Variants in SYNPO observed in about 807,000 individuals in gnomAD.
SYNPO encodes the protein synaptopodin.
A neutral mutation model predicts 49.5 loss-of-function variants in SYNPO; 19 were observed. The ratio of observed to expected loss-of-function variants is 0.38; its 90% CI spans 0.27 to 0.56. The LOEUF (loss-of-function observed/expected upper bound fraction) is 0.56, where lower values mean the gene tolerates loss of function less well. SYNPO is among the 20% of genes least tolerant of loss of function. SYNPO has a pLI of 0.68. For synonymous variants in SYNPO, 536 were observed against 548.0 expected (o/e 0.98, Z 0.31); for missense variants, 1,131 against 1,248.3 (o/e 0.91, Z 1.42).
chr5:150,650,641 G>A, intron 2 of SYNPO: 1 of 1,440,128 alleles, frequency 6.9e-7, no homozygotes, highest in Non-Finnish European at 9.1e-7. Context: ...TTTGTGAGCT[G>A]TAGGGATGCA....
At position 150,649,628 on chromosome 5, in the gene SYNPO, G is replaced by A; in HGVS notation, c.1353G>A (p.Glu451=). 1.2e-6 allele frequency: 2 copies of A among 1,609,024 alleles called. No individual in the cohort carries two copies. The highest frequency in any genetic ancestry group is 1.7e-6 in the Non-Finnish European group (2 of 1,179,740). The change falls in exon 2 of 3, where the codon GAG becomes GAA. Residue 451 remains glutamate (E), a synonymous_variant. Coordinates refer to ENST00000307662, the MANE Select transcript of SYNPO (RefSeq NM_007286.6). ...CGGCGGCGGAGGAGGTGGTACCAGA[G>A]TGGGCCTCCTGCCTCAAGTCACCCC... ...SPAAAEEVVP[E]WASCLKSPRI...
In SYNPO at chr5:150,624,763, G is replaced by A. The variant is rs978000252; in HGVS notation, c.400+5996G>A. ...GCTAGGCGGTGGCGGTGGCGGCGGC[G>A]AGGAGGGGGCGTCGGGCGCGGAGCC... On this transcript the variant is annotated intron_variant, in intron 2 of 2. Transcript: ENST00000394243. The A allele has an allele frequency of 3.7e-6, 3 of 812,354 alleles. No individual in the cohort carries two copies. In the South Asian group the frequency reaches 1.6e-4, roughly 43 times the overall value. The allele number at this position is 812,354 out of a possible 1,614,324, so 50.3% of individuals were successfully genotyped here.
upstream of SYNPO, among the ~76,000 whole-genome samples, chr5:150,600,278 T>G (rs1756497655): frequency 6.6e-6 from 1 of 152,206 alleles, no homozygotes; most frequent in African/African-American, 2.4e-5. Context: ...CCTGCTGACG[T>G]CACCCCTGGA....
At chr5:150,651,435 G>A (rs1055131138) in intron 2 of SYNPO, 8 of 1,000,338 alleles carry the variant, frequency 8.0e-6, no homozygotes, top group Middle Eastern at 5.1e-4. Flanking sequence ...CTGGTGCTTT[G>A]AAGAAAGGCC....
intron 2 of SYNPO, among the ~76,000 whole-genome samples, chr5:150,620,952 TTTC>T (rs1473880490): frequency 2.8e-5 from 4 of 144,586 alleles, no homozygotes; most frequent in African/African-American, 8.0e-5. Context: ...TTTCTTTTCT[TTTC>T]TTTTTTTTTT....
chr5:150,621,268 C>T (rs1486143901), intron 2 of SYNPO, among the ~76,000 whole-genome samples: 1 of 152,148 alleles, frequency 6.6e-6, no homozygotes, highest in Non-Finnish European at 1.5e-5. Context: ...CCTTTCTTTA[C>T]TGTCCAGCCA....
intron 1 of SYNPO, among the ~76,000 whole-genome samples, chr5:150,602,137 G>T (rs1756560110): frequency 6.6e-6 from 1 of 152,176 alleles, no homozygotes; most frequent in Non-Finnish European, 1.5e-5. Context: ...CACACTTTCA[G>T]GTTCTGTGGC....
upstream of SYNPO, among the ~76,000 whole-genome samples, chr5:150,636,992 A>G (rs1757738578): frequency 6.6e-6 from 1 of 152,194 alleles, no homozygotes; most frequent in Admixed American, 6.5e-5. Flanking sequence ...AGTGCTTTAT[A>G]CTTTAGAAAT....
At chr5:150,643,458 A>C (rs962901703) in intron 1 of SYNPO, among the ~76,000 whole-genome samples, 2 of 152,242 alleles carry the variant, frequency 1.3e-5, no homozygotes, top group African/African-American at 4.8e-5. Context: ...AGAGATGTTT[A>C]TCCTGACCCT....
At position 150,656,396 on chromosome 5, in the gene SYNPO, C is replaced by CT. The variant is rs1217192016; in HGVS notation, c.2029-7dup. ...ATGCCTGCCCCACCCTCTCTGCTCT[C>CT]TCCCCAGGACCGCCGGGAGAGCCTG... On this transcript the variant is annotated splice_polypyrimidine_tract_variant and splice_region_variant and intron_variant, in intron 2 of 2. Transcript: ENST00000307662. 1 of 1,527,132 alleles carries CT rather than the reference C, an allele frequency of 6.5e-7. No individual in the cohort carries two copies. Among genetic ancestry groups the CT allele is most frequent in the South Asian group, 1.2e-5 (1 of 83,000 alleles). 94.6% of individuals were successfully genotyped at this position (1,527,132 alleles called of 1,614,324 possible).
intron 1 of SYNPO, among the ~76,000 whole-genome samples, chr5:150,644,924 G>A (rs1239517162): frequency 6.6e-6 from 1 of 152,214 alleles, no homozygotes; most frequent in Non-Finnish European, 1.5e-5. Flanking sequence ...GGGATAGGCT[G>A]TGTGCTTTCA....
upstream of SYNPO, chr5:150,640,180 C>G (rs1757849431): frequency 1.0e-6 from 1 of 985,110 alleles, no homozygotes; most frequent in Non-Finnish European, 1.2e-6. Context: ...AAATAATACA[C>G]AAGGTGGTGG....
In SYNPO at chr5:150,657,411, CTCTT is replaced by C. The variant is rs1290196906; in HGVS notation, c.*328_*331del. 1 of 310,262 alleles carries C rather than the reference CTCTT, an allele frequency of 3.2e-6. No individual in the cohort carries two copies. Among genetic ancestry groups the C allele is most frequent in the Admixed American group, 5.0e-5 (1 of 20,008 alleles). 19.2% of individuals were successfully genotyped at this position (310,262 alleles called of 1,614,324 possible). A position where few individuals can be genotyped will look rare whatever the true frequency, so the allele number is the denominator to read the frequency against. On this transcript the variant is annotated 3_prime_UTR_variant, in exon 3 of 3. Transcript: ENST00000307662. ...ACACACACCGATGCACACACACTCT[CTCTT>C]TCTCTCTCTCTCTCTCTCACACACA...
intron 2 of SYNPO, among the ~76,000 whole-genome samples, chr5:150,623,795 G>A (rs866729780): frequency 6.6e-6 from 1 of 152,198 alleles, no homozygotes; most frequent in African/African-American, 2.4e-5. Context: ...AACTCTTGAT[G>A]CAAAAGACAG....
chr5:150,598,277 G>T (rs1004265165), upstream of SYNPO, among the ~76,000 whole-genome samples: 2 of 152,148 alleles, frequency 1.3e-5, no homozygotes, highest in Non-Finnish European at 2.9e-5. Context: ...TGCTGCAGGG[G>T]GAAAGAAAAG....
At chr5:150,652,254 C>T in intron 2 of SYNPO, 1 of 1,000,538 alleles carries the variant, frequency 1.0e-6, no homozygotes, top group South Asian at 4.7e-5. Context: ...AGAGCCCGCC[C>T]TTCATTCTGC....
intron 1 of SYNPO, among the ~76,000 whole-genome samples, chr5:150,602,888 A>T (rs1013647098): frequency 6.6e-6 from 1 of 152,084 alleles, no homozygotes; most frequent in Non-Finnish European, 1.5e-5. Context: ...TTGACTGTCT[A>T]GGGCCTGAAG....
At position 150,657,526 on chromosome 5, in the gene SYNPO, A is replaced by G. The variant is rs1758622567; in HGVS notation, c.*439A>G. 6.0e-6 allele frequency: 1 copy of G among 165,742 alleles called. No homozygotes were observed. Among genetic ancestry groups the G allele is most frequent in the East Asian group, 1.7e-4 (1 of 5,840 alleles). The allele number at this position is 165,742 out of a possible 1,614,324, so 10.3% of individuals were successfully genotyped here. On this transcript the variant is annotated 3_prime_UTR_variant, in exon 3 of 3. Coordinates refer to ENST00000307662, the MANE Select transcript of SYNPO (RefSeq NM_007286.6). ...GGGCAGTGTGTATATGGACCCCTGGACTTGCTACCTTCAGGGTTCCATACT... is the reference window on the plus strand; with the variant it reads ...GGGCAGTGTGTATATGGACCCCTGGGCTTGCTACCTTCAGGGTTCCATACT...
upstream of SYNPO, among the ~76,000 whole-genome samples, chr5:150,638,280 T>C (rs992527075): frequency 6.6e-6 from 1 of 152,206 alleles, no homozygotes; most frequent in African/African-American, 2.4e-5. Context: ...CTCCCCTCAC[T>C]TCATGAAACA....
Sources: allele counts gnomAD v4.1 joint callset (sites outside exome capture counted in the v4.1 genomes callset), GRCh38; gene constraint gnomAD v4.1.1; transcripts MANE v1.5; gene names NCBI Gene and HGNC (gene_info 2026-07-23, HGNC 2026-07-21).